Variants in FYN observed in about 807,000 individuals in gnomAD.
The protein encoded by FYN is tyrosine-protein kinase Fyn.
Under a neutral mutation model 70.2 loss-of-function variants are expected in FYN, and 10 were observed. The ratio of observed to expected loss-of-function variants is 0.14; its 90% confidence interval spans 0.09 to 0.24. The LOEUF is 0.24. Ranked by LOEUF, FYN falls within the 10% of genes least tolerant of loss-of-function variation. The pLI is 1.00. For missense variants in FYN, 319 were observed against 673.1 expected (o/e 0.47, Z 5.82); for synonymous variants, 236 against 248.6 (o/e 0.95, Z 0.48).
At chr6:111,803,617 A>T (rs1235997017) in intron 2 of FYN, among the ~76,000 whole-genome samples, 3 of 151,550 alleles carry the variant, frequency 2.0e-5, no homozygotes, top group African/African-American at 7.2e-5. Flanking sequence ...GTTTTGAACC[A>T]GTGACTCCTG....
chr6:111,865,821 C>T (rs1774088785), intron 1 of FYN, among the ~76,000 whole-genome samples: 1 of 152,146 alleles, frequency 6.6e-6, no homozygotes, highest in Non-Finnish European at 1.5e-5. Flanking sequence ...GGTTAAAATT[C>T]TGGTTATCTG....
chr6:111,700,069 G>C (rs755089612), intron 9 of FYN, 35 bp downstream of exon 9: 1 of 1,594,490 alleles, frequency 6.3e-7, no homozygotes, highest in Non-Finnish European at 8.6e-7. Context: ...TCCAAACGGG[G>C]AAGCTAATAA....
intron 3 of FYN, among the ~76,000 whole-genome samples, chr6:111,733,982 G>A (rs1801584820): frequency 6.6e-6 from 1 of 152,128 alleles, no homozygotes; most frequent in Non-Finnish European, 1.5e-5. Flanking sequence ...AGTTACTTGG[G>A]GGGCTGGGGC....
At chr6:111,771,643 G>GC (rs1385170405) in intron 3 of FYN, among the ~76,000 whole-genome samples, 1 of 152,182 alleles carries the variant, frequency 6.6e-6, no homozygotes, top group Non-Finnish European at 1.5e-5. Flanking sequence ...CAAAGCCTTG[G>GC]CCTACCCAAG....
chr6:111,703,145 T>G lies in FYN; in HGVS notation c.548-111A>C, dbSNP rs1583331751. ...TAATTACCAAGGATGCACACACACA[T>G]GTACACACACACAGCATCTCCACTC... On this transcript the variant is annotated intron_variant, in intron 7 of 13. Transcript: ENST00000354650. 10 of 899,918 alleles carry G rather than the reference T, an allele frequency of 1.1e-5. No homozygotes were observed. The African/African-American group carries it at 1.5e-4, about 14-fold the overall frequency. The allele number at this position is 899,918 out of a possible 1,614,324, so 55.7% of individuals were successfully genotyped here. A position where few individuals can be genotyped will look rare whatever the true frequency, so the allele number is the denominator to read the frequency against.
At chr6:111,792,099 A>C (rs920525203) in intron 2 of FYN, among the ~76,000 whole-genome samples, 1 of 152,252 alleles carries the variant, frequency 6.6e-6, no homozygotes. Context: ...GGGAAGCCAC[A>C]GAGTGGAGAA....
chr6:111,745,228 C>T (rs767962811), intron 3 of FYN, among the ~76,000 whole-genome samples: 3 of 152,166 alleles, frequency 2.0e-5, no homozygotes, highest in Admixed American at 6.5e-5. Context: ...ACGCGAATGC[C>T]ATCTCTTTCA....
At chr6:111,809,962 T>G (rs1226017019) in intron 2 of FYN, among the ~76,000 whole-genome samples, 1 of 152,162 alleles carries the variant, frequency 6.6e-6, no homozygotes, top group Middle Eastern at 3.2e-3. Flanking sequence ...AAACTTAGGT[T>G]TTAGTTCTAA....
At chr6:111,719,083 C>T (rs907803161) in intron 4 of FYN, among the ~76,000 whole-genome samples, 1 of 152,094 alleles carries the variant, frequency 6.6e-6, no homozygotes, top group African/African-American at 2.4e-5. Flanking sequence ...CAAACTTTTG[C>T]AATAAACAAA....
intron 2 of FYN, among the ~76,000 whole-genome samples, chr6:111,791,242 G>T (rs982321030): frequency 3.9e-5 from 6 of 152,176 alleles, no homozygotes; most frequent in Admixed American, 2.6e-4. Flanking sequence ...TCCAAAAATA[G>T]AGCTACACAG....
intron 3 of FYN, among the ~76,000 whole-genome samples, chr6:111,764,366 C>T (rs540644112): frequency 1.1e-3 from 160 of 152,246 alleles, no homozygotes; most frequent in African/African-American, 3.6e-3. Flanking sequence ...ACATCTCACT[C>T]TCACGGCTGT....
intron 1 of FYN, among the ~76,000 whole-genome samples, chr6:111,852,007 G>A (rs1160112386): frequency 6.6e-6 from 1 of 151,684 alleles, no homozygotes; most frequent in African/African-American, 2.4e-5. Flanking sequence ...AAACATAAAT[G>A]ACGGTATGTA....
intron 13 of FYN, among the ~76,000 whole-genome samples, chr6:111,674,031 G>C (rs1390679290): frequency 6.6e-6 from 1 of 152,182 alleles, no homozygotes; most frequent in Non-Finnish European, 1.5e-5. Context: ...CTGGAGCTGG[G>C]TCCTGTGGAG....
chr6:111,697,547 A>G (rs1387757001), intron 9 of FYN, among the ~76,000 whole-genome samples: 8 of 152,228 alleles, frequency 5.3e-5, no homozygotes, highest in Admixed American at 6.5e-5. Context: ...TACAAAATAT[A>G]AATTATGAAA....
At chr6:111,731,001 C>T (rs1490247517) in intron 3 of FYN, among the ~76,000 whole-genome samples, 1 of 152,162 alleles carries the variant, frequency 6.6e-6, no homozygotes, top group Admixed American at 6.5e-5. Context: ...GCCGAGGGCC[C>T]AAGGGTCAGG....
At chr6:111,696,713 C>T (rs1799589888) in intron 9 of FYN, 3 of 342,986 alleles carry the variant, frequency 8.7e-6, no homozygotes, top group Non-Finnish European at 1.6e-5. Flanking sequence ...TGATATATTA[C>T]CACTCTCTCT....
At chr6:111,794,583 A>C (rs1014452468) in intron 2 of FYN, among the ~76,000 whole-genome samples, 5 of 152,218 alleles carry the variant, frequency 3.3e-5, no homozygotes, top group Non-Finnish European at 5.9e-5. Context: ...TGTACAGTCC[A>C]TGAACTGAGA....
intron 2 of FYN, among the ~76,000 whole-genome samples, chr6:111,796,565 C>G (rs565371880): frequency 6.6e-6 from 1 of 152,168 alleles, no homozygotes; most frequent in Non-Finnish European, 1.5e-5. Context: ...TGAAGCAACG[C>G]GTGACTGTAC....
chr6:111,802,867 C>A (rs980254677), intron 2 of FYN, among the ~76,000 whole-genome samples: 1 of 152,080 alleles, frequency 6.6e-6, no homozygotes, highest in Non-Finnish European at 1.5e-5. Flanking sequence ...CACTTAACCA[C>A]TATTTACCAA....
Sources: allele counts gnomAD v4.1 joint callset (sites outside exome capture counted in the v4.1 genomes callset), GRCh38; gene constraint gnomAD v4.1.1; transcripts MANE v1.5; gene names NCBI Gene and HGNC (gene_info 2026-07-23, HGNC 2026-07-21).